QTMAN: variants seen among roughly 807,000 people sequenced by gnomAD.
QTMAN encodes queuosine-tRNA mannosyltransferase, also known as tRNA-queuosine alpha-mannosyltransferase.
the QTMAN span, among the ~76,000 whole-genome samples, chr2:144,136,338 G>T: frequency 6.8e-6 from 1 of 146,260 alleles, no homozygotes; most frequent in Non-Finnish European, 1.5e-5. Flanking sequence ...GAGGGGAGGG[G>T]AGGGGAGCGG....
At chr2:144,027,926 T>C in the QTMAN span, among the ~76,000 whole-genome samples, 1 of 152,206 alleles carries the variant, frequency 6.6e-6, no homozygotes, top group Non-Finnish European at 1.5e-5. Context: ...AATGTTAAGA[T>C]GCACTTTGGA....
the QTMAN span, chr2:144,230,154 T>G: frequency 1.3e-5 from 2 of 152,106 alleles, no homozygotes; most frequent in Non-Finnish European, 2.9e-5. Flanking sequence ...CAGGCTCACT[T>G]TTATTTGGTT....
At chr2:144,064,423 C>G in the QTMAN span, among the ~76,000 whole-genome samples, 1 of 152,104 alleles carries the variant, frequency 6.6e-6, no homozygotes, top group Non-Finnish European at 1.5e-5. Flanking sequence ...TAGAAAATTA[C>G]TCTCTAGAAT....
chr2:144,010,534 C>G, the QTMAN span, among the ~76,000 whole-genome samples: 1 of 151,986 alleles, frequency 6.6e-6, no homozygotes, highest in Non-Finnish European at 1.5e-5. Flanking sequence ...ACAAGATGAG[C>G]AAGAGCTGAT....
chr2:144,178,953 C>T, the QTMAN span: 1 of 469,224 alleles, frequency 2.1e-6, no homozygotes, highest in African/African-American at 2.0e-5. Flanking sequence ...TTTGTAATTT[C>T]TGATTGCCTG....
the QTMAN span, among the ~76,000 whole-genome samples, chr2:144,235,272 T>C: frequency 6.6e-6 from 1 of 152,018 alleles, no homozygotes; most frequent in Non-Finnish European, 1.5e-5. Context: ...TTATTAATGG[T>C]ACCATAAAAC....
the QTMAN span, among the ~76,000 whole-genome samples, chr2:144,148,485 T>C: frequency 3.3e-5 from 5 of 151,828 alleles, no homozygotes; most frequent in African/African-American, 1.2e-4. Flanking sequence ...AACTATACAT[T>C]TGAAGTAACA....
At chr2:144,059,580 TAG>T in the QTMAN span, among the ~76,000 whole-genome samples, 1 of 152,184 alleles carries the variant, frequency 6.6e-6, no homozygotes, top group African/African-American at 2.4e-5. Flanking sequence ...ATCTCTGGTA[TAG>T]ACTACTGCCA....
At chr2:143,964,499 T>C in the QTMAN span, among the ~76,000 whole-genome samples, 1 of 152,168 alleles carries the variant, frequency 6.6e-6, no homozygotes, top group Non-Finnish European at 1.5e-5. Context: ...CATTAGTAGC[T>C]TTCCTTTTGC....
At chr2:143,939,067 C>T in the QTMAN span, 1 of 152,204 alleles carries the variant, frequency 6.6e-6, no homozygotes, top group South Asian at 2.1e-4. Flanking sequence ...CCTTCTAATA[C>T]CTATTTAGGA....
At chr2:144,120,552 G>A in the QTMAN span, among the ~76,000 whole-genome samples, 15 of 152,084 alleles carry the variant, frequency 9.9e-5, no homozygotes, top group Non-Finnish European at 1.9e-4. Context: ...TATCTTTATG[G>A]ATACATAAAG....
At chr2:143,950,094 C>T in the QTMAN span, among the ~76,000 whole-genome samples, 2 of 151,556 alleles carry the variant, frequency 1.3e-5, no homozygotes, top group South Asian at 2.1e-4. Flanking sequence ...CCATGGTAGA[C>T]GATGCTTAAA....
chr2:144,027,155 T>C, the QTMAN span, among the ~76,000 whole-genome samples: 3 of 152,180 alleles, frequency 2.0e-5, no homozygotes, highest in Non-Finnish European at 2.9e-5. Context: ...AGCCATCTGG[T>C]CATTCATTGA....
chr2:144,071,746 T>G, the QTMAN span, among the ~76,000 whole-genome samples: 1 of 152,182 alleles, frequency 6.6e-6, no homozygotes, highest in Non-Finnish European at 1.5e-5. Context: ...TTCTATACTC[T>G]GTCCTCCTGC....
the QTMAN span, chr2:144,141,781 C>T: frequency 2.4e-6 from 2 of 830,840 alleles, no homozygotes; most frequent in Non-Finnish European, 3.9e-6. Context: ...ACTAACCATA[C>T]TTATGCTAAA....
the QTMAN span, among the ~76,000 whole-genome samples, chr2:143,984,980 C>A: frequency 6.6e-6 from 1 of 152,216 alleles, no homozygotes; most frequent in Non-Finnish European, 1.5e-5. Context: ...GTGTAAAAGG[C>A]TGTCACCCTG....
At chr2:144,156,555 T>C in the QTMAN span, among the ~76,000 whole-genome samples, 7 of 152,218 alleles carry the variant, frequency 4.6e-5, no homozygotes, top group East Asian at 1.3e-3. Context: ...GTGAGAATTC[T>C]CATTTTAATA....
the QTMAN span, among the ~76,000 whole-genome samples, chr2:144,231,843 GGTGTGTGTGTGT>G: frequency 0.014 from 1,993 of 138,436 alleles, 26 homozygotes; most frequent in East Asian, 0.05. Context: ...GAATGAAAGA[GGTGTGTGTGTGT>G]GTGTGTGTGT....
At chr2:144,205,607 C>A in the QTMAN span, among the ~76,000 whole-genome samples, 1 of 152,068 alleles carries the variant, frequency 6.6e-6, no homozygotes, top group South Asian at 2.1e-4. Flanking sequence ...GTTAAGTGGG[C>A]AATGATCAGT....
Sources: allele counts gnomAD v4.1 joint callset (sites outside exome capture counted in the v4.1 genomes callset), GRCh38; gene constraint gnomAD v4.1.1; transcripts MANE v1.5; gene names NCBI Gene and HGNC (gene_info 2026-07-23, HGNC 2026-07-21).